Variants in CD226 observed in about 807,000 individuals in gnomAD.
The protein encoded by CD226 is CD226 antigen.
Under a neutral mutation model 34.9 loss-of-function variants are expected in CD226, and 24 were observed. The observed-to-expected ratio is 0.69, with a 90% CI of 0.50 to 0.97. CD226 has a LOEUF of 0.97. Ranked by LOEUF, CD226 falls within the 50% of genes least tolerant of loss-of-function variation. The probability of loss-of-function intolerance (pLI) is 0.00; values close to 1 mark genes in which losing one functional copy is unlikely to be tolerated. For missense variants in CD226, 397 were observed against 412.7 expected (o/e 0.96, Z 0.33); for synonymous variants, 148 against 147.4 (o/e 1.00, Z -0.03).
chr18:69,958,189 C>T (rs2055911656), upstream of CD226, among the ~76,000 whole-genome samples: 1 of 152,196 alleles, frequency 6.6e-6, no homozygotes, highest in African/African-American at 2.4e-5. Flanking sequence ...TATTCACTCG[C>T]TGCATTTTTT....
At chr18:69,927,735 T>C (rs1049626364) in intron 2 of CD226, among the ~76,000 whole-genome samples, 1 of 152,238 alleles carries the variant, frequency 6.6e-6, no homozygotes, top group Non-Finnish European at 1.5e-5. Flanking sequence ...GAATGAAGAA[T>C]ATTCCATTGT....
At chr18:69,921,793 A>C (rs1360182999) in intron 2 of CD226, among the ~76,000 whole-genome samples, 1 of 152,170 alleles carries the variant, frequency 6.6e-6, no homozygotes, top group African/African-American at 2.4e-5. Context: ...GATATTCTTT[A>C]TTCTTAGTCT....
chr18:69,957,476 G>C (rs1339957032), upstream of CD226, among the ~76,000 whole-genome samples: 1 of 152,050 alleles, frequency 6.6e-6, no homozygotes, highest in African/African-American at 2.4e-5. Context: ...GCTGCACCAG[G>C]CCATGGCAAC....
chr18:69,956,765 G>C (rs1329564547), exon 1 of CD226: 2 of 152,240 alleles, frequency 1.3e-5, no homozygotes, highest in Non-Finnish European at 2.9e-5. Flanking sequence ...CTTGAGATGT[G>C]AGTGCTGCTC....
chr18:69,934,811 G>A (rs1488065053), intron 2 of CD226, among the ~76,000 whole-genome samples: 4 of 152,188 alleles, frequency 2.6e-5, no homozygotes, highest in African/African-American at 9.7e-5. Context: ...AACTGCTCAG[G>A]AGTAAGTAGA....
chr18:69,858,150 G>T lies in CD226; in HGVS notation c.*6164C>A, dbSNP rs1982664812. 6.6e-6 allele frequency: 1 copy of T among 152,210 alleles called. No individual in the cohort carries two copies. The highest frequency in any genetic ancestry group is 3.4e-3 in the Middle Eastern group (1 of 294). 9.4% of individuals were successfully genotyped at this position (152,210 alleles called of 1,614,324 possible). On this transcript the variant is annotated 3_prime_UTR_variant, in exon 6 of 6. Coordinates refer to ENST00000582621, the MANE Select transcript of CD226 (RefSeq NM_001303618.2). ...TGCAAAACTGCCAACTGAGAATATT[G>T]ATATAGATACTAACTGTATTTATTT...
Position 69,873,228 on chromosome 18 carries a change from T to A in CD226, c.746A>T (p.Tyr249Phe). Residue 249 changes from tyrosine to phenylalanine, a missense_variant, in exon 4 of 6, where the codon TAT (tyrosine) becomes TTT (phenylalanine). Transcript: ENST00000582621. The part of the protein sequence containing the change: ...TVAEGKTDNQ[Y>F]TLFVAGGTVL... ...TGTCCCTCCAGCCACAAAGAGGGTA[T>A]ATTGGTTATCGGTTTTACCTAGGAG... 6.2e-7 allele frequency: 1 copy of A among 1,601,722 alleles called. No individual in the cohort carries two copies. Among genetic ancestry groups the A allele is most frequent in the Non-Finnish European group, 8.6e-7 (1 of 1,168,992 alleles).
chr18:69,937,931 C>T (rs2055675015), intron 2 of CD226, among the ~76,000 whole-genome samples: 1 of 152,108 alleles, frequency 6.6e-6, no homozygotes, highest in Admixed American at 6.5e-5. Context: ...CAGATATATA[C>T]AAGAATGAAA....
chr18:69,944,690 C>T (rs373354387), intron 2 of CD226: 4 of 152,220 alleles, frequency 2.6e-5, no homozygotes, highest in Non-Finnish European at 5.9e-5. Context: ...TCCAATGGCT[C>T]AGTCTATGTT....
At chr18:69,952,227 T>C (rs893775258), upstream of CD226, among the ~76,000 whole-genome samples, 9 of 152,118 alleles carry the variant, frequency 5.9e-5, no homozygotes, top group Non-Finnish European at 1.2e-4. Flanking sequence ...AAATAATGTG[T>C]ACCCATGGAC....
intron 2 of CD226, among the ~76,000 whole-genome samples, chr18:69,925,809 C>T (rs1204840353): frequency 1.3e-5 from 2 of 152,294 alleles, no homozygotes; most frequent in Non-Finnish European, 2.9e-5. Flanking sequence ...AACTCTCAGT[C>T]CCCTTATGGT....
At chr18:69,892,892 T>G (rs1385922440) in intron 3 of CD226, among the ~76,000 whole-genome samples, 1 of 152,196 alleles carries the variant, frequency 6.6e-6, no homozygotes, top group East Asian at 1.9e-4. Context: ...CAGCAATTTA[T>G]AAAATCTGCC....
chr18:69,955,720 G>A (rs542699486), intron 1 of CD226, among the ~76,000 whole-genome samples: 12 of 152,074 alleles, frequency 7.9e-5, no homozygotes, highest in East Asian at 1.9e-4. Context: ...AAAATTAGCC[G>A]GGTGTGGTAG....
intron 2 of CD226, 24 bp downstream of exon 2, chr18:69,946,710 A>T: frequency 7.3e-7 from 1 of 1,372,862 alleles, no homozygotes; most frequent in Non-Finnish European, 9.9e-7. Flanking sequence ...AAGGGATTTA[A>T]AAAAAAAAAA....
intron 2 of CD226, among the ~76,000 whole-genome samples, chr18:69,924,392 T>C (rs1450151879): frequency 6.6e-6 from 1 of 152,014 alleles, no homozygotes; most frequent in Admixed American, 6.6e-5. Flanking sequence ...CATGATCAAA[T>C]GACAAAAGGT....
At chr18:69,899,201 T>G (rs910906868) in intron 2 of CD226, among the ~76,000 whole-genome samples, 1 of 152,180 alleles carries the variant, frequency 6.6e-6, no homozygotes. Context: ...CCCCAAACAT[T>G]GCTGGGTACA....
At position 69,870,849 on chromosome 18, in the gene CD226, G is replaced by A. The variant is rs192828173; in HGVS notation, c.830+2295C>T. Among the ~76,000 whole-genome samples the A allele has an allele frequency of 3.9e-3, 596 of 152,270 alleles. 5 individuals carry two copies. Among genetic ancestry groups the A allele is most frequent in the African/African-American group, 0.013 (551 of 41,548 alleles). On this transcript the variant is annotated intron_variant, in intron 4 of 5. Coordinates refer to ENST00000582621, the MANE Select transcript of CD226 (RefSeq NM_001303618.2). ...ACAGTCAGTAAAACGGAGTTCAGAAGGTCATTGTTGGAGCCCTTGGGTCAT... is the reference window on the plus strand; with the variant it reads ...ACAGTCAGTAAAACGGAGTTCAGAAAGTCATTGTTGGAGCCCTTGGGTCAT...
chr18:69,889,817 C>A (rs73464718), intron 3 of CD226, among the ~76,000 whole-genome samples: 4,167 of 152,234 alleles, frequency 0.027, 181 homozygotes, highest in African/African-American at 0.095. Flanking sequence ...GAGGAAATAT[C>A]TGGGAAGATT....
chr18:69,873,737 G>A (rs1416510495), intron 3 of CD226, among the ~76,000 whole-genome samples: 1 of 152,096 alleles, frequency 6.6e-6, no homozygotes, highest in Non-Finnish European at 1.5e-5. Context: ...CCAGTGTGGT[G>A]GTGCATGCCT....
Sources: gnomAD v4.1 joint callset for allele counts (sites outside exome capture counted in the v4.1 genomes callset) on GRCh38, gnomAD v4.1.1 for gene constraint, MANE v1.5 for transcripts, NCBI Gene and HGNC (gene_info 2026-07-23, HGNC 2026-07-21) for gene names.